SYT6: variants seen among roughly 807,000 people sequenced by gnomAD.
SYT6 encodes synaptotagmin-6.
SYT6 carries 24 observed loss-of-function variants against 38.4 expected under a neutral mutation model. That is an observed-to-expected ratio of 0.62 (90% CI 0.45 to 0.88). The LOEUF is 0.88. Among genes scored for constraint, SYT6 ranks in the 40% least tolerant of loss-of-function variants. The probability of loss-of-function intolerance (pLI) is 0.00; values close to 1 mark genes in which losing one functional copy is unlikely to be tolerated. For synonymous variants in SYT6, 265 were observed against 241.9 expected (o/e 1.10, Z -0.89); for missense variants, 611 against 621.0 (o/e 0.98, Z 0.17).
chr1:114,096,732 G>A (rs1423939633), intron 6 of SYT6, among the ~76,000 whole-genome samples: 2 of 152,228 alleles, frequency 1.3e-5, no homozygotes, highest in South Asian at 2.1e-4. Flanking sequence ...ATTTTAAGCC[G>A]AGGGGCCATG....
Position 114,097,632 on chromosome 1 carries a change from C to T in SYT6, c.1515+95G>A, listed in dbSNP as rs1006283135. 58 of 1,501,754 alleles carry T rather than the reference C, an allele frequency of 3.9e-5. No individual in the cohort carries two copies. In the African/African-American group the frequency reaches 7.0e-4, roughly 18 times the overall value. The allele number at this position is 1,501,754 out of a possible 1,614,324, so 93.0% of individuals were successfully genotyped here. A position where few individuals can be genotyped will look rare whatever the true frequency, so the allele number is the denominator to read the frequency against. On this transcript the variant is annotated intron_variant, in intron 6 of 7. Coordinates refer to ENST00000610222, the MANE Select transcript of SYT6 (RefSeq NM_001253772.2). ...CATGTGGCCCTCATGCCCACCTTTC[C>T]ACAAAAGGCCGAGGGTGTCACTGCA...
chr1:114,103,425 C>A (rs1676083695), intron 4 of SYT6, among the ~76,000 whole-genome samples, 176 bp downstream of exon 4: 1 of 150,266 alleles, frequency 6.7e-6, no homozygotes, highest in African/African-American at 2.4e-5. Context: ...ACTAGAAAAC[C>A]AAATCATTTA....
At chr1:114,106,811 G>T (rs562225797) in intron 3 of SYT6, among the ~76,000 whole-genome samples, 2 of 152,170 alleles carry the variant, frequency 1.3e-5, no homozygotes, top group South Asian at 4.2e-4. Flanking sequence ...GCTCACAGGA[G>T]TCACCAAGTC....
rs376974813 is a variant in SYT6, at chr1:114,099,285, G to A, written c.1193-20C>T. The A allele has an allele frequency of 6.2e-7, 1 of 1,602,594 alleles. No homozygotes were observed. The highest frequency in any genetic ancestry group is 8.5e-7 in the Non-Finnish European group (1 of 1,174,218). ...AGGGATCTGTGCCAATGGGGACAGA[G>A]AAAAGGGAATGGAGTATGTTAAACA... On this transcript the variant is annotated intron_variant, in intron 4 of 7. Transcript: ENST00000610222.
chr1:114,097,328 G>A (rs1675694275), intron 6 of SYT6, among the ~76,000 whole-genome samples: 1 of 152,224 alleles, frequency 6.6e-6, no homozygotes, highest in South Asian at 2.1e-4. Context: ...CCTTGCTTGA[G>A]CCTCAGGGAA....
Position 114,091,955 on chromosome 1 carries a change from G to T in SYT6, c.*179C>A. ...ACTGCACAACACTGTTTAGACGGTT[G>T]AACAAGTGCAAAGAGAACATTGCTG... On this transcript the variant is annotated 3_prime_UTR_variant, in exon 8 of 8. Transcript: ENST00000610222. 1 of 1,517,304 alleles carries T rather than the reference G, an allele frequency of 6.6e-7. No homozygotes were observed. The highest frequency in any genetic ancestry group is 1.2e-5 in the South Asian group (1 of 83,578). The allele number at this position is 1,517,304 out of a possible 1,614,324, so 94.0% of individuals were successfully genotyped here. A position where few individuals can be genotyped will look rare whatever the true frequency, so the allele number is the denominator to read the frequency against.
At chr1:114,132,613 G>T (rs971647703) in intron 3 of SYT6, among the ~76,000 whole-genome samples, 2 of 152,280 alleles carry the variant, frequency 1.3e-5, no homozygotes, top group South Asian at 4.1e-4. Context: ...AAAACACATG[G>T]CATAGCCAAG....
chr1:114,143,625 C>T (rs1001252934), intron 1 of SYT6, among the ~76,000 whole-genome samples: 1 of 150,946 alleles, frequency 6.6e-6, no homozygotes, highest in African/African-American at 2.5e-5. Context: ...ATTTGTGTGA[C>T]TTGCTTTATT....
chr1:114,102,974 C>G (rs1676057150), intron 4 of SYT6, among the ~76,000 whole-genome samples: 1 of 152,248 alleles, frequency 6.6e-6, no homozygotes, highest in South Asian at 2.1e-4. Flanking sequence ...CAGCTGCCCC[C>G]AAACAAGCAT....
intron 3 of SYT6, among the ~76,000 whole-genome samples, chr1:114,127,610 C>T (rs1677821342): frequency 6.6e-6 from 1 of 152,200 alleles, no homozygotes; most frequent in Admixed American, 6.5e-5. Context: ...GTTAGGGCTG[C>T]TGTTACTATT....
At chr1:114,146,300 C>T (rs1052815781) in intron 1 of SYT6, among the ~76,000 whole-genome samples, 1 of 152,124 alleles carries the variant, frequency 6.6e-6, no homozygotes, top group Non-Finnish European at 1.5e-5. Flanking sequence ...ACTCAGACAT[C>T]CCTCATCTCC....
intron 4 of SYT6, among the ~76,000 whole-genome samples, chr1:114,102,076 A>C (rs945588565): frequency 2.6e-5 from 4 of 152,220 alleles, no homozygotes; most frequent in African/African-American, 9.6e-5. Flanking sequence ...TGACCTCAGC[A>C]GCTTCACCAT....
intron 3 of SYT6, among the ~76,000 whole-genome samples, chr1:114,133,905 C>G (rs1678316834): frequency 1.3e-5 from 2 of 152,078 alleles, no homozygotes; most frequent in African/African-American, 4.8e-5. Context: ...TAGCCTTGAG[C>G]TCAGGGTTCT....
chr1:114,153,795 G>A lies in SYT6; in HGVS notation c.-23C>T, dbSNP rs367918021. The A allele has an allele frequency of 2.5e-3, 1,590 of 645,032 alleles. 25 individuals are homozygous for A. In the African/African-American group the frequency reaches 0.027, roughly 11 times the overall value. 40.0% of individuals were successfully genotyped at this position (645,032 alleles called of 1,614,324 possible). A position where few individuals can be genotyped will look rare whatever the true frequency, so the allele number is the denominator to read the frequency against. Reference sequence around the variant, plus strand: ...CATGCCCTAGACACCCAGGCTTGCCGAGCAGCAGCTCGAACCCGCGCCCCG... The same window carrying A: ...CATGCCCTAGACACCCAGGCTTGCCAAGCAGCAGCTCGAACCCGCGCCCCG... On this transcript the variant is annotated 5_prime_UTR_variant, in exon 1 of 8. Transcript: ENST00000610222.
chr1:114,129,811 G>A (rs1678031574), intron 3 of SYT6, among the ~76,000 whole-genome samples: 1 of 150,594 alleles, frequency 6.6e-6, no homozygotes, highest in Non-Finnish European at 1.5e-5. Flanking sequence ...TGAGTTGCTG[G>A]GATTACAGGC....
chr1:114,119,109 T>G (rs1413143209), intron 3 of SYT6, among the ~76,000 whole-genome samples: 1 of 152,142 alleles, frequency 6.6e-6, no homozygotes, highest in Non-Finnish European at 1.5e-5. Flanking sequence ...CAGTTAGTAG[T>G]TGAAGTGTAA....
intron 3 of SYT6, among the ~76,000 whole-genome samples, chr1:114,122,183 G>A (rs772040795): frequency 2.6e-5 from 4 of 152,230 alleles, no homozygotes; most frequent in Non-Finnish European, 5.9e-5. Flanking sequence ...GCTTCCCTGT[G>A]AGTGAAATCT....
chr1:114,109,308 T>C (rs1209529217), intron 3 of SYT6, among the ~76,000 whole-genome samples: 1 of 152,236 alleles, frequency 6.6e-6, no homozygotes, highest in African/African-American at 2.4e-5. Context: ...CTGGTTTTAT[T>C]CATCCTTATA....
intron 3 of SYT6, among the ~76,000 whole-genome samples, chr1:114,129,694 G>T: frequency 7.2e-6 from 1 of 139,204 alleles, no homozygotes. Context: ...TTTCTTGACA[G>T]AGTCTTGCTC....
Sources: allele counts gnomAD v4.1 joint callset (sites outside exome capture counted in the v4.1 genomes callset), GRCh38; gene constraint gnomAD v4.1.1; transcripts MANE v1.5; gene names NCBI Gene and HGNC (gene_info 2026-07-23, HGNC 2026-07-21).